NKAIN3: variants seen among roughly 807,000 people sequenced by gnomAD.
The protein encoded by NKAIN3 is sodium/potassium-transporting ATPase subunit beta-1-interacting protein 3.
NKAIN3 carries 25 observed loss-of-function variants against 30.2 expected under a neutral mutation model. The ratio of observed to expected loss-of-function variants is 0.83; its 90% confidence interval spans 0.60 to 1.16. The LOEUF (loss-of-function observed/expected upper bound fraction) is 1.16, where lower values mean the gene tolerates loss of function less well. NKAIN3 is among the 50% of genes most tolerant of loss of function. NKAIN3 has a pLI of 0.00. For synonymous variants in NKAIN3, 91 were observed against 89.6 expected (o/e 1.02, Z -0.09); for missense variants, 225 against 254.1 (o/e 0.89, Z 0.78).
chr8:62,267,802 T>C (rs1173010297), intron 1 of NKAIN3, among the ~76,000 whole-genome samples: 2 of 152,190 alleles, frequency 1.3e-5, no homozygotes, highest in African/African-American at 2.4e-5. Context: ...TCCCATAGAT[T>C]GTTGGTCAGA....
intron 1 of NKAIN3, among the ~76,000 whole-genome samples, chr8:62,274,649 G>A (rs913364396): frequency 3.2e-4 from 49 of 151,948 alleles, no homozygotes; most frequent in African/African-American, 1.1e-3. Flanking sequence ...CAATGTGCAG[G>A]TTTGTTACAT....
chr8:62,678,085 T>G (rs1813532656), intron 3 of NKAIN3, among the ~76,000 whole-genome samples: 1 of 152,192 alleles, frequency 6.6e-6, no homozygotes. Flanking sequence ...ACCATAATCT[T>G]TGGGAGCTGT....
chr8:62,671,315 T>C (rs1813296526), intron 3 of NKAIN3, among the ~76,000 whole-genome samples: 1 of 152,150 alleles, frequency 6.6e-6, no homozygotes, highest in South Asian at 2.1e-4. Context: ...CTTCAGGCAT[T>C]CTTGACAAAC....
intron 3 of NKAIN3, among the ~76,000 whole-genome samples, chr8:62,682,094 C>T (rs867391713): frequency 3.0e-4 from 45 of 152,178 alleles, no homozygotes; most frequent in Middle Eastern, 3.4e-3. Flanking sequence ...CCAAGAGAAT[C>T]CACCAACCCT....
intron 1 of NKAIN3, among the ~76,000 whole-genome samples, chr8:62,454,792 A>G (rs1805762724): frequency 6.6e-6 from 1 of 152,246 alleles, no homozygotes; most frequent in South Asian, 2.1e-4. Flanking sequence ...GTCAAATACT[A>G]TTGAATAAAT....
intron 6 of NKAIN3, among the ~76,000 whole-genome samples, chr8:62,959,492 T>C (rs1823510761): frequency 6.7e-6 from 1 of 149,068 alleles, no homozygotes; most frequent in Non-Finnish European, 1.5e-5. Flanking sequence ...GGTGGAGTAA[T>C]GTGCTTTCAA....
At position 62,811,671 on chromosome 8, in the gene NKAIN3, C is replaced by G. The variant is rs551680026; in HGVS notation, c.471+64542C>G. Among the ~76,000 whole-genome samples, 170 of 152,020 alleles carry G rather than the reference C, an allele frequency of 1.1e-3. 1 individual carries two copies. Among genetic ancestry groups the G allele is most frequent in the African/African-American group, 3.8e-3 (157 of 41,518 alleles). On this transcript the variant is annotated intron_variant, in intron 4 of 6. Transcript: ENST00000623646. ...TGCTTATCTGCCATCGGTGTATCCT[C>G]TTTGGTAAAATGTCTATTTGTGTCT...
At chr8:62,763,273 A>G (rs946556992) in intron 4 of NKAIN3, among the ~76,000 whole-genome samples, 2 of 140,930 alleles carry the variant, frequency 1.4e-5, no homozygotes, top group Admixed American at 7.4e-5. Context: ...TTATATAGTC[A>G]GCCTAAAAAG....
chr8:62,888,858 A>T (rs1821220387), intron 4 of NKAIN3, among the ~76,000 whole-genome samples: 1 of 152,122 alleles, frequency 6.6e-6, no homozygotes, highest in East Asian at 1.9e-4. Context: ...TAGAGCAATG[A>T]GTTATGTATT....
At chr8:62,417,128 C>T (rs1039028382) in intron 1 of NKAIN3, among the ~76,000 whole-genome samples, 1 of 151,790 alleles carries the variant, frequency 6.6e-6, no homozygotes, top group African/African-American at 2.4e-5. Context: ...TCCTGACTAC[C>T]CTTGCCAGCC....
intron 3 of NKAIN3, among the ~76,000 whole-genome samples, chr8:62,702,399 A>G (rs1257394681): frequency 6.6e-6 from 1 of 152,202 alleles, no homozygotes; most frequent in Non-Finnish European, 1.5e-5. Context: ...AGGCATTGGA[A>G]AAATATTTTA....
chr8:62,307,953 G>C (rs1338139854), intron 1 of NKAIN3, among the ~76,000 whole-genome samples: 1 of 150,166 alleles, frequency 6.7e-6, no homozygotes, highest in Non-Finnish European at 1.5e-5. Flanking sequence ...AAATAGAGCT[G>C]GTCAGAAGTG....
chr8:62,438,094 G>A (rs1805223486), intron 1 of NKAIN3, among the ~76,000 whole-genome samples: 1 of 152,110 alleles, frequency 6.6e-6, no homozygotes, highest in African/African-American at 2.4e-5. Flanking sequence ...TGAGCAATGC[G>A]CAGAGCGGGG....
chr8:62,933,600 G>A (rs1274055869), intron 5 of NKAIN3, among the ~76,000 whole-genome samples: 1 of 152,080 alleles, frequency 6.6e-6, no homozygotes, highest in Non-Finnish European at 1.5e-5. Flanking sequence ...ACTCCAAAGA[G>A]TTTAGAAATT....
Position 62,964,812 on chromosome 8 carries a change from T to TTA in NKAIN3, c.604-542_604-541insTA, listed in dbSNP as rs768528260. ...TAATCACTTTTCAAAATAAAAAATT[T>TTA]AAAAAAAAACACCTTTACAGCGAGA... On this transcript the variant is annotated intron_variant, in intron 6 of 6. Transcript: ENST00000623646. 6.0e-3 allele frequency among the ~76,000 whole-genome samples: 898 copies of TTA among 150,810 alleles called. 10 individuals are homozygous for TTA. Among genetic ancestry groups the TTA allele is most frequent in the African/African-American group, 0.02 (840 of 41,078 alleles).
intron 1 of NKAIN3, among the ~76,000 whole-genome samples, chr8:62,472,166 G>T (rs1012981504): frequency 5.9e-5 from 9 of 152,194 alleles, no homozygotes; most frequent in Non-Finnish European, 1.2e-4. Flanking sequence ...TCAGTCCTGG[G>T]TGAGCTGAAC....
At chr8:62,251,177 A>G (rs571979690) in intron 1 of NKAIN3, among the ~76,000 whole-genome samples, 1 of 152,276 alleles carries the variant, frequency 6.6e-6, no homozygotes, top group East Asian at 1.9e-4. Context: ...ATTTGTTTGC[A>G]GGTGAGGAAG....
rs969114250 is a variant in NKAIN3, at chr8:62,909,842, A to C, written c.472-8611A>C. On this transcript the variant is annotated intron_variant, in intron 4 of 6. Transcript: ENST00000623646. The stretch of plus-strand genomic sequence containing the variant: ...TGTTTGAGGACTTGAAGAATGATTT[A>C]ATATTTCTAGTATGGCATGTCATTG... Among the ~76,000 whole-genome samples, 29 of 152,286 alleles carry C rather than the reference A, an allele frequency of 1.9e-4. 1 individual carries two copies. Among genetic ancestry groups the C allele is most frequent in the Middle Eastern group, 6.8e-3 (2 of 294 alleles).
chr8:62,871,414 A>AG (rs1563604916), intron 4 of NKAIN3, among the ~76,000 whole-genome samples: 1 of 128,062 alleles, frequency 7.8e-6, no homozygotes, highest in Non-Finnish European at 1.7e-5. Flanking sequence ...AAAAAAAAAA[A>AG]AAAACAAAAA....
Sources: gnomAD v4.1 joint callset for allele counts (sites outside exome capture counted in the v4.1 genomes callset) on GRCh38, gnomAD v4.1.1 for gene constraint, MANE v1.5 for transcripts, NCBI Gene and HGNC (gene_info 2026-07-23, HGNC 2026-07-21) for gene names.